Variants in CD68 observed in about 807,000 individuals in gnomAD.
CD68 encodes the protein macrosialin.
In CD68, 24 loss-of-function variants were observed where a neutral mutation model predicts 31.3. The observed-to-expected ratio is 0.77, with a 90% CI of 0.55 to 1.08. The LOEUF is 1.08. Ranked by LOEUF, CD68 falls within the 50% of genes least tolerant of loss-of-function variation. The pLI, the probability that CD68 is intolerant of heterozygous loss-of-function variation, is 0.00. For missense variants in CD68, 461 were observed against 442.5 expected (o/e 1.04, Z -0.38); for synonymous variants, 190 against 179.6 (o/e 1.06, Z -0.46).
Position 7,580,469 on chromosome 17 carries a change from T to C in CD68, c.571T>C (p.Trp191Arg). The C allele has an allele frequency of 6.2e-7, 1 of 1,614,078 alleles. No individual in the cohort carries two copies. Among genetic ancestry groups the C allele is most frequent in the African/African-American group, 1.3e-5 (1 of 75,010 alleles). Reference protein sequence around the residue: ...MYTTQGGGEAWGISVLNPNKT... With the variant: ...MYTTQGGGEARGISVLNPNKT... ...TTCCAGTCTTTAACTTCCGCAGGCC[T>C]GGGGCATCTCTGTACTGAACCCCAA... The change falls in exon 3 of 6, where the codon TGG (tryptophan) becomes CGG (arginine). Residue 191 changes from tryptophan (W) to arginine (R), a missense_variant. Coordinates refer to ENST00000250092, the MANE Select transcript of CD68 (RefSeq NM_001251.3). The surrounding 1 kb of genome is among the most constrained non-coding windows in gnomAD (Gnocchi z 4.3).
chr17:7,580,426 G>C lies in CD68; in HGVS notation c.568-40G>C. The C allele has an allele frequency of 6.2e-7, 1 of 1,612,406 alleles. No homozygotes were observed. The highest frequency in any genetic ancestry group is 8.5e-7 in the Non-Finnish European group (1 of 1,178,804). ...GGGACAGGGAACCTTGGCCGGCATC[G>C]CATGCAGTCTTGTGACCTTCCAGTC... On this transcript the variant is annotated intron_variant, in intron 2 of 5. Coordinates refer to ENST00000250092, the MANE Select transcript of CD68 (RefSeq NM_001251.3). This position sits in a 1 kb window ranked among gnomAD's most constrained non-coding sequence, Gnocchi z 4.3.
rs889976056 is a variant in CD68 at position 7,580,173 on chromosome 17, C to T, written c.413C>T (p.Ala138Val). 8.7e-6 allele frequency: 14 copies of T among 1,614,024 alleles called. No homozygotes were observed. Among genetic ancestry groups the T allele is most frequent in the African/African-American group, 1.3e-5 (1 of 74,898 alleles). Residue 138 changes from alanine to valine, a missense_variant, in exon 2 of 6, where the codon GCC (alanine) becomes GTC (valine). Transcript: ENST00000250092. The surrounding 1 kb of genome is among the most constrained non-coding windows in gnomAD (Gnocchi z 4.3). ...ACCAGCCCAGGATTCACCAGTTCTGCCCACCCAGAACCACCTCCACCCTCT... is the reference window on the plus strand; with the variant it reads ...ACCAGCCCAGGATTCACCAGTTCTGTCCACCCAGAACCACCTCCACCCTCT... Reference protein sequence around the residue: ...TATSPGFTSSAHPEPPPPSPS... With the variant: ...TATSPGFTSSVHPEPPPPSPS...
intron 5 of CD68, 38 bp from the exon 6 acceptor site, chr17:7,581,340 G>T (rs368999043): frequency 6.2e-7 from 1 of 1,613,202 alleles, no homozygotes. Context: ...CAACCAGCAC[G>T]TCACTGCAAA....
chr17:7,581,511 A>G lies in CD68; in HGVS notation c.1065A>G (p.Ter355TrpextTer52), dbSNP rs771570633. Residue 355 changes from the stop codon to tryptophan, a stop_lost, in exon 6 of 6, where the codon TGA becomes TGG. Coordinates refer to ENST00000250092, the MANE Select transcript of CD68 (RefSeq NM_001251.3). The stretch of plus-strand genomic sequence containing the variant: ...GCCCATCCGCCTACCAGGCCCTCTG[A>G]GCATTTGCTTCAAACCCCAGGGCAC... Reference protein sequence around the residue: ...RRRPSAYQAL* With the variant: ...RRRPSAYQALW 3.1e-6 allele frequency: 5 copies of G among 1,613,876 alleles called. No homozygotes were observed. Among genetic ancestry groups the G allele is most frequent in the Non-Finnish European group, 4.2e-6 (5 of 1,179,974 alleles).
Position 7,580,776 on chromosome 17 carries a change from C to T in CD68, c.753C>T (p.His251=), listed in dbSNP as rs150600556. The T allele has an allele frequency of 2.7e-5, 43 of 1,613,954 alleles. No homozygotes were observed. The highest frequency in any genetic ancestry group is 3.1e-5 in the Non-Finnish European group (37 of 1,180,020). ...TGGAGTACAATGTGTCCTTCCCCCA[C>T]GCAGCACGTAAGTAACCTCCTTCCC... is the stretch of plus-strand genomic sequence containing the variant. ...MAVEYNVSFP[H]AAQWTFSAQN... Residue 251 remains histidine (H), a synonymous_variant, in exon 4 of 6, where the codon CAC becomes CAT. Coordinates refer to ENST00000250092, the MANE Select transcript of CD68 (RefSeq NM_001251.3). This position sits in a 1 kb window ranked among gnomAD's most constrained non-coding sequence, Gnocchi z 4.3.
In CD68 at chr17:7,579,865, C is replaced by A; in HGVS notation, c.105C>A (p.Ser35=). Residue 35 remains serine, a synonymous_variant, in exon 2 of 6, where the codon TCC becomes TCA. Transcript: ENST00000250092. The stretch of plus-strand genomic sequence containing the variant: ...AAAAATCAGCTACTTTGCTGCCATC[C>A]TTCACGGTGACACCCACGGTTACAG... ...PHKKSATLLP[S]FTVTPTVTES... The A allele has an allele frequency of 6.2e-7, 1 of 1,614,078 alleles. No individual in the cohort carries two copies. The highest frequency in any genetic ancestry group is 1.1e-5 in the South Asian group (1 of 91,080).
chr17:7,581,437 C>T lies in CD68; in HGVS notation c.991C>T (p.Leu331Phe). The T allele has an allele frequency of 1.2e-6, 2 of 1,614,152 alleles. No homozygotes were observed. The highest frequency in any genetic ancestry group is 1.7e-6 in the Non-Finnish European group (2 of 1,180,000). ...LLPLIIGLIL[L>F]GLLALVLIAF... ...GCCTCTCATCATCGGCCTGATCCTT[C>T]TTGGCCTCCTCGCCCTGGTGCTTAT... Residue 331 changes from leucine (L) to phenylalanine (F), a missense_variant, in exon 6 of 6, where the codon CTT becomes TTT. Coordinates refer to ENST00000250092, the MANE Select transcript of CD68 (RefSeq NM_001251.3).
At chr17:7,581,337 C>A in intron 5 of CD68, 41 bp from the exon 6 acceptor site, 1 of 1,613,152 alleles carries the variant, frequency 6.2e-7, no homozygotes, top group Non-Finnish European at 8.5e-7. Flanking sequence ...TCCCAACCAG[C>A]ACGTCACTGC....
chr17:7,580,194 C>T lies in CD68; in HGVS notation c.434C>T (p.Pro145Leu). Residue 145 changes from proline to leucine, a missense_variant, in exon 2 of 6, where the codon CCC becomes CTC. Transcript: ENST00000250092. This position sits in a 1 kb window ranked among gnomAD's most constrained non-coding sequence, Gnocchi z 4.3. The part of the protein sequence containing the change: ...TSSAHPEPPP[P>L]SPSPSPTSKE... ...TCTGCCCACCCAGAACCACCTCCAC[C>T]CTCTCCGAGTCCTAGCCCAACCTCC... 6.2e-7 allele frequency: 1 copy of T among 1,614,138 alleles called. No homozygotes were observed. The highest frequency in any genetic ancestry group is 8.5e-7 in the Non-Finnish European group (1 of 1,180,018).
At position 7,580,600 on chromosome 17, in the gene CD68, T is replaced by G. The variant is rs1299058917; in HGVS notation, c.687+15T>G. Reference sequence around the variant, plus strand: ...GATTCATGCAGGTATAGCCATGACCTCAGTCTCACCCCTCACTCAGCCTCC... The same window carrying G: ...GATTCATGCAGGTATAGCCATGACCGCAGTCTCACCCCTCACTCAGCCTCC... On this transcript the variant is annotated intron_variant, in intron 3 of 5. Coordinates refer to ENST00000250092, the MANE Select transcript of CD68 (RefSeq NM_001251.3). The surrounding 1 kb of genome is among the most constrained non-coding windows in gnomAD (Gnocchi z 4.3). 6.2e-7 allele frequency: 1 copy of G among 1,613,882 alleles called. No individual in the cohort carries two copies.
Position 7,580,015 on chromosome 17 carries a change from C to T in CD68, c.255C>T (p.Ser85=), listed in dbSNP as rs547319907. The T allele has an allele frequency of 1.1e-5, 18 of 1,609,196 alleles. No homozygotes were observed. In the African/African-American group the frequency reaches 2.0e-4, roughly 18 times the overall value. Residue 85 remains serine, a synonymous_variant, in exon 2 of 6, where the codon AGC becomes AGT. Transcript: ENST00000250092. This position sits in a 1 kb window ranked among gnomAD's most constrained non-coding sequence, Gnocchi z 4.3. ...TTATHNPTTT[S]HGNVTVHPTS... ...CCACTCACAACCCCACCACCACCAG[C>T]CATGGAAACGTCACAGTTCATCCAA...
Position 7,580,364 on chromosome 17 carries a change from C to G in CD68, c.567+37C>G. 3.7e-6 allele frequency: 6 copies of G among 1,607,360 alleles called. No individual in the cohort carries two copies. The highest frequency in any genetic ancestry group is 5.1e-6 in the Non-Finnish European group (6 of 1,175,490). On this transcript the variant is annotated intron_variant, in intron 2 of 5. Transcript: ENST00000250092. This position sits in a 1 kb window ranked among gnomAD's most constrained non-coding sequence, Gnocchi z 4.3. ...ACTGGGGGATGAGAGGGGAGGGAGGCAGGACTGGATATAGGCTCAGAGGGA... is the reference window on the plus strand; with the variant it reads ...ACTGGGGGATGAGAGGGGAGGGAGGGAGGACTGGATATAGGCTCAGAGGGA...
At position 7,580,226 on chromosome 17, in the gene CD68, A is replaced by C; in HGVS notation, c.466A>C (p.Thr156Pro). ...GAGTCCTAGCCCAACCTCCAAGGAG[A>C]CCATTGGAGACTACACGTGGACCAA... is the stretch of plus-strand genomic sequence containing the variant. ...SPSPSPTSKE[T>P]IGDYTWTNGS... The change falls in exon 2 of 6, where the codon ACC becomes CCC. Residue 156 changes from threonine to proline, a missense_variant. Physicochemically the swap from Thr to Pro is conservative, Grantham distance 38. Transcript: ENST00000250092. This position sits in a 1 kb window ranked among gnomAD's most constrained non-coding sequence, Gnocchi z 4.3. 3 of 1,613,778 alleles carry C rather than the reference A, an allele frequency of 1.9e-6. No individual in the cohort carries two copies. The highest frequency in any genetic ancestry group is 2.5e-6 in the Non-Finnish European group (3 of 1,179,918).
At chr17:7,581,314 C>T in intron 5 of CD68, 64 bp from the exon 6 acceptor site, 3 of 1,602,190 alleles carry the variant, frequency 1.9e-6, no homozygotes, top group South Asian at 1.1e-5. Flanking sequence ...CCCATTCCCT[C>T]CTCCCACCTT....
Position 7,581,497 on chromosome 17 carries a change from T to TA in CD68, c.1052dup (p.Tyr351Ter). ...FCIIRRRPSA[Y>*]QAL Reference sequence around the variant, plus strand: ...CATCATCCGGAGACGCCCATCCGCCTACCAGGCCCTCTGAGCATTTGCTTC... The same window carrying TA: ...CATCATCCGGAGACGCCCATCCGCCTAACCAGGCCCTCTGAGCATTTGCTTC... Residue 351 changes from tyrosine to a stop codon, truncating the protein, a stop_gained and frameshift_variant, in exon 6 of 6, where the codon TAC (tyrosine) becomes TAAC (stop). Coordinates refer to ENST00000250092, the MANE Select transcript of CD68 (RefSeq NM_001251.3). LOFTEE classifies it high-confidence loss of function. 1 of 1,614,140 alleles carries TA rather than the reference T, an allele frequency of 6.2e-7. No homozygotes were observed. Among genetic ancestry groups the TA allele is most frequent in the Admixed American group, 1.7e-5 (1 of 60,028 alleles).
At position 7,581,808 on chromosome 17, in the gene CD68, A is replaced by T. The variant is rs1461936256; in HGVS notation, c.*297A>T. 6 of 337,960 alleles carry T rather than the reference A, an allele frequency of 1.8e-5. No homozygotes were observed. The highest frequency in any genetic ancestry group is 3.5e-5 in the Non-Finnish European group (6 of 173,442). The allele number at this position is 337,960 out of a possible 1,614,324, so 20.9% of individuals were successfully genotyped here. ...GCGGCGTAATCCCAGCTGGCCTGTA[A>T]TCCCAGCTACTTGGGAGGCTGAGGC... On this transcript the variant is annotated 3_prime_UTR_variant, in exon 6 of 6. Transcript: ENST00000250092.
In CD68 at chr17:7,581,470, T is replaced by C. The variant is rs1166531943; in HGVS notation, c.1024T>C (p.Cys342Arg). 1 of 1,614,166 alleles carries C rather than the reference T, an allele frequency of 6.2e-7. No homozygotes were observed. Among genetic ancestry groups the C allele is most frequent in the Admixed American group, 1.7e-5 (1 of 60,018 alleles). ...GLLALVLIAF[C>R]IIRRRPSAYQ... ...CCTCGCCCTGGTGCTTATTGCTTTC[T>C]GCATCATCCGGAGACGCCCATCCGC... The change falls in exon 6 of 6, where the codon TGC becomes CGC. Residue 342 changes from cysteine (C) to arginine (R), a missense_variant. Physicochemically the swap from Cys to Arg is radical, Grantham distance 180. Transcript: ENST00000250092.
Position 7,581,499 on chromosome 17 carries a change from C to T in CD68, c.1053C>T (p.Tyr351=), listed in dbSNP as rs1357802548. The T allele has an allele frequency of 1.2e-6, 2 of 1,614,102 alleles. No individual in the cohort carries two copies. Among genetic ancestry groups the T allele is most frequent in the African/African-American group, 2.7e-5 (2 of 74,940 alleles). ...TCATCCGGAGACGCCCATCCGCCTA[C>T]CAGGCCCTCTGAGCATTTGCTTCAA... ...FCIIRRRPSA[Y]QAL The change falls in exon 6 of 6, where the codon TAC becomes TAT. Residue 351 remains tyrosine (Y), a synonymous_variant. Coordinates refer to ENST00000250092, the MANE Select transcript of CD68 (RefSeq NM_001251.3).
Position 7,580,630 on chromosome 17 carries a change from G to GCCCCT in CD68, c.687+54_687+58dup, listed in dbSNP as rs1300525958. The GCCCCT allele has an allele frequency of 1.2e-6, 2 of 1,613,168 alleles. No homozygotes were observed. Among genetic ancestry groups the GCCCCT allele is most frequent in the Non-Finnish European group, 8.5e-7 (1 of 1,179,600 alleles). ...CTCACCCCTCACTCAGCCTCCCGGC[G>GCCCCT]CCCCTCCCCTCCCAATCCCACACGC... On this transcript the variant is annotated intron_variant, in intron 3 of 5. Coordinates refer to ENST00000250092, the MANE Select transcript of CD68 (RefSeq NM_001251.3). The surrounding 1 kb of genome is among the most constrained non-coding windows in gnomAD (Gnocchi z 4.3).
Sources: allele counts gnomAD v4.1 joint callset, GRCh38; gene constraint gnomAD v4.1.1; non-coding constraint Gnocchi (gnomAD v3.1); transcripts MANE v1.5; gene names NCBI Gene and HGNC (gene_info 2026-07-23, HGNC 2026-07-21).